The following SPEN variants were observed in gnomAD, a reference collection of about 807,000 sequenced individuals.
SPEN encodes the protein msx2-interacting protein.
Under a neutral mutation model 269.9 loss-of-function variants are expected in SPEN, and 18 were observed. The ratio of observed to expected loss-of-function variants is 0.07; its 90% CI spans 0.05 to 0.10. The LOEUF (loss-of-function observed/expected upper bound fraction) is 0.10, where lower values mean the gene tolerates loss of function less well. SPEN is among the 10% of genes least tolerant of loss of function. The probability of loss-of-function intolerance (pLI) is 1.00; values close to 1 mark genes in which losing one functional copy is unlikely to be tolerated. For missense variants in SPEN, 3,822 were observed against 4,631.2 expected (o/e 0.83, Z 5.07); for synonymous variants, 1,726 against 1,765.7 (o/e 0.98, Z 0.56).
chr1:15,904,307 GTC>G (rs1161208222), intron 3 of SPEN, among the ~76,000 whole-genome samples: 1 of 151,910 alleles, frequency 6.6e-6, no homozygotes. Flanking sequence ...GTGAAACCCT[GTC>G]TCTACTAAAA....
intron 3 of SPEN, among the ~76,000 whole-genome samples, chr1:15,877,743 T>C (rs1369741170): frequency 7.1e-6 from 1 of 141,498 alleles, no homozygotes; most frequent in Admixed American, 7.0e-5. Flanking sequence ...TTTCCCTTTT[T>C]TTTTTTTTTT....
intron 1 of SPEN, among the ~76,000 whole-genome samples, chr1:15,864,988 A>G (rs140817915): frequency 2.0e-5 from 3 of 152,188 alleles, no homozygotes; most frequent in East Asian, 1.9e-4. Context: ...GATGTTAGCC[A>G]TCATTCCTGC....
chr1:15,897,780 T>A (rs1031102065), intron 3 of SPEN, among the ~76,000 whole-genome samples: 5 of 152,218 alleles, frequency 3.3e-5, no homozygotes, highest in Admixed American at 1.3e-4. Flanking sequence ...ATTACAGGCT[T>A]GAGCCACTGC....
chr1:15,852,932 A>G (rs933914792), intron 1 of SPEN, among the ~76,000 whole-genome samples: 5 of 152,152 alleles, frequency 3.3e-5, no homozygotes, highest in African/African-American at 4.8e-5. Context: ...TCACGGCTCA[A>G]TGCAGCCTTG....
intron 3 of SPEN, among the ~76,000 whole-genome samples, chr1:15,892,012 C>CTTTTTT (rs71003216): frequency 2.5e-3 from 185 of 74,482 alleles, no homozygotes; most frequent in East Asian, 3.4e-3. Flanking sequence ...TTTCTTTTTA[C>CTTTTTT]TTTTTTTTTT....
chr1:15,880,453 CTTTTTTTT>C (rs371820417), intron 3 of SPEN, among the ~76,000 whole-genome samples: 4 of 110,988 alleles, frequency 3.6e-5, no homozygotes, highest in Non-Finnish European at 7.3e-5. Flanking sequence ...GTAATTATAG[CTTTTTTTT>C]TTTTTTTTTT....
intron 2 of SPEN, 88 bp from the exon 3 acceptor site, chr1:15,876,114 G>C: frequency 9.9e-7 from 1 of 1,009,072 alleles, no homozygotes; most frequent in Non-Finnish European, 1.5e-6. Flanking sequence ...CAAAGACAAA[G>C]ACAATGCTGA....
intron 3 of SPEN, among the ~76,000 whole-genome samples, chr1:15,892,228 G>A (rs866812594): frequency 1.3e-5 from 2 of 151,846 alleles, no homozygotes; most frequent in African/African-American, 4.8e-5. Context: ...GTTTCACCTT[G>A]TTAGCCAGGG....
chr1:15,884,368 T>C (rs1405553238), intron 3 of SPEN, among the ~76,000 whole-genome samples: 1 of 152,174 alleles, frequency 6.6e-6, no homozygotes, highest in Non-Finnish European at 1.5e-5. Flanking sequence ...AGTTAACTTA[T>C]TTTAGTTAGG....
At chr1:15,865,420 G>GT (rs35623952) in intron 1 of SPEN, among the ~76,000 whole-genome samples, 9,953 of 116,026 alleles carry the variant, frequency 0.086, 549 homozygotes, top group African/African-American at 0.11. Context: ...GTATATGCCT[G>GT]TTTTTTTTTT....
intron 3 of SPEN, among the ~76,000 whole-genome samples, chr1:15,883,883 C>CA (rs2070712300): frequency 7.0e-6 from 1 of 143,486 alleles, no homozygotes; most frequent in Non-Finnish European, 1.5e-5. Context: ...GATCTCGACT[C>CA]ACTGCAAGCT....
At position 15,931,247 on chromosome 1, in the gene SPEN, A is replaced by G; in HGVS notation, c.5007A>G (p.Thr1669=). The part of the protein sequence containing the change: ...GDKTVEAPLV[T]EEKTVEPATV... ...AAACGGTAGAGGCGCCTTTGGTAAC[A>G]GAAGAGAAGACTGTGGAGCCAGCTA... The change falls in exon 11 of 15, where the codon ACA becomes ACG. Residue 1669 remains threonine, a synonymous_variant. Coordinates refer to ENST00000375759, the MANE Select transcript of SPEN (RefSeq NM_015001.3). This position sits in a 1 kb window ranked among gnomAD's most constrained non-coding sequence, Gnocchi z 4.8. 6.2e-7 allele frequency: 1 copy of G among 1,614,228 alleles called. No homozygotes were observed. Among genetic ancestry groups the G allele is most frequent in the Non-Finnish European group, 8.5e-7 (1 of 1,180,046 alleles).
At chr1:15,904,184 A>G (rs965763636) in intron 3 of SPEN, among the ~76,000 whole-genome samples, 2 of 152,170 alleles carry the variant, frequency 1.3e-5, no homozygotes, top group South Asian at 2.1e-4. Context: ...GCATATCACA[A>G]TGTGAACTCG....
Position 15,925,312 on chromosome 1 carries a change from T to C in SPEN, c.1851-2779T>C, listed in dbSNP as rs138751218. On this transcript the variant is annotated intron_variant, in intron 10 of 14. Transcript: ENST00000375759. The stretch of plus-strand genomic sequence containing the variant: ...TTGTGATTCAGATGACATCTACTTA[T>C]GGCACTTTGGATACTCTGTGGTTTT... Among the ~76,000 whole-genome samples, 957 of 152,314 alleles carry C rather than the reference T, an allele frequency of 6.3e-3. 8 individuals are homozygous for C. The highest frequency in any genetic ancestry group is 0.021 in the African/African-American group (855 of 41,570).
chr1:15,919,994 T>C (rs1373557775), intron 8 of SPEN, among the ~76,000 whole-genome samples: 4 of 152,090 alleles, frequency 2.6e-5, no homozygotes, highest in Non-Finnish European at 5.9e-5. Context: ...GGTAAAGCTT[T>C]GGTTCCTTAA....
intron 3 of SPEN, among the ~76,000 whole-genome samples, chr1:15,900,296 C>T (rs2070887331): frequency 6.6e-6 from 1 of 152,100 alleles, no homozygotes; most frequent in African/African-American, 2.4e-5. Context: ...ATTAAACTAC[C>T]ACCTTCAGGC....
At chr1:15,884,168 T>C (rs2070715216) in intron 3 of SPEN, among the ~76,000 whole-genome samples, 1 of 152,158 alleles carries the variant, frequency 6.6e-6, no homozygotes, top group South Asian at 2.1e-4. Flanking sequence ...TAACAACAGA[T>C]ATAAGGTAAT....
chr1:15,865,060 A>AT (rs891145417), intron 1 of SPEN, among the ~76,000 whole-genome samples: 5 of 147,156 alleles, frequency 3.4e-5, no homozygotes, highest in Admixed American at 6.9e-5. Flanking sequence ...CTTAATTTTA[A>AT]TTTTTTTTTG....
chr1:15,874,488 T>A, intron 2 of SPEN: 1 of 957,436 alleles, frequency 1.0e-6, no homozygotes, highest in Non-Finnish European at 1.4e-6. Context: ...TATTTAGTAC[T>A]AATAGTGAAT....
Sources: gnomAD v4.1 joint callset for allele counts (sites outside exome capture counted in the v4.1 genomes callset) on GRCh38, gnomAD v4.1.1 for gene constraint, Gnocchi (gnomAD v3.1) non-coding constraint, MANE v1.5 for transcripts, NCBI Gene and HGNC (gene_info 2026-07-23, HGNC 2026-07-21) for gene names.